GRM7: variants seen among roughly 807,000 people sequenced by gnomAD.
GRM7 encodes metabotropic glutamate receptor 7.
In GRM7, 35 loss-of-function variants were observed where a neutral mutation model predicts 84.5. That is an observed-to-expected ratio of 0.41 (90% CI 0.32 to 0.55). GRM7 has a LOEUF of 0.55. GRM7 is among the 20% of genes least tolerant of loss of function. The pLI, the probability that GRM7 is intolerant of heterozygous loss-of-function variation, is 0.19. For synonymous variants in GRM7, 487 were observed against 455.1 expected (o/e 1.07, Z -0.89); for missense variants, 1,003 against 1,194.6 (o/e 0.84, Z 2.36).
At chr3:7,587,415 C>G (rs1454874780) in intron 8 of GRM7, among the ~76,000 whole-genome samples, 2 of 152,066 alleles carry the variant, frequency 1.3e-5, no homozygotes, top group African/African-American at 4.8e-5. Flanking sequence ...ATATGTCTAC[C>G]TGGGCATTGG....
In GRM7 at chr3:7,486,666, T is replaced by C. The variant is rs1699334400; in HGVS notation, c.1515+24944T>C. Reference sequence around the variant, plus strand: ...CCCTCCCCAGAAGCAGAGCAGATGTTGGCACCATGCTTCTTGGACTTCCCA... The same window carrying C: ...CCCTCCCCAGAAGCAGAGCAGATGTCGGCACCATGCTTCTTGGACTTCCCA... On this transcript the variant is annotated intron_variant, in intron 7 of 9. Transcript: ENST00000357716. The surrounding 1 kb of genome is among the most constrained non-coding windows in gnomAD (Gnocchi z 5.5). Among the ~76,000 whole-genome samples the C allele has an allele frequency of 6.6e-6, 1 of 152,222 alleles. No homozygotes were observed. Among genetic ancestry groups the C allele is most frequent in the Non-Finnish European group, 1.5e-5 (1 of 68,046 alleles).
chr3:6,918,353 C>T (rs926374250), intron 1 of GRM7, among the ~76,000 whole-genome samples: 2 of 152,104 alleles, frequency 1.3e-5, no homozygotes, highest in Admixed American at 6.5e-5. Context: ...GTATTAGGTA[C>T]CCAGTTCCTC....
At chr3:7,719,980 TG>T (rs1701889956) in intron 9 of GRM7, among the ~76,000 whole-genome samples, 1 of 152,174 alleles carries the variant, frequency 6.6e-6, no homozygotes, top group Admixed American at 6.5e-5. Context: ...ATGAAGATAA[TG>T]GTTGTAGTAG....
chr3:7,724,682 G>A (rs556536311), intron 9 of GRM7, among the ~76,000 whole-genome samples: 2 of 152,318 alleles, frequency 1.3e-5, no homozygotes, highest in South Asian at 4.1e-4. Flanking sequence ...TCAGAACGTT[G>A]AGTTGGGGCC....
chr3:7,636,918 T>TC (rs3840236), intron 8 of GRM7, among the ~76,000 whole-genome samples: 132,402 of 152,184 alleles, frequency 0.87, 57,765 homozygotes, highest in African/African-American at 0.94. Flanking sequence ...ATCAGTGGTT[T>TC]CATAAGATGC....
intron 7 of GRM7, among the ~76,000 whole-genome samples, chr3:7,492,255 C>T (rs1699547021): frequency 1.3e-5 from 2 of 152,126 alleles, no homozygotes; most frequent in African/African-American, 4.8e-5. Flanking sequence ...CCCTGTCTTC[C>T]ACTTTCTAAA....
intron 7 of GRM7, among the ~76,000 whole-genome samples, chr3:7,576,733 C>T (rs1694980719): frequency 6.6e-6 from 1 of 152,144 alleles, no homozygotes; most frequent in Non-Finnish European, 1.5e-5. Flanking sequence ...AATCAGCCAT[C>T]ATTGTTAATT....
intron 1 of GRM7, among the ~76,000 whole-genome samples, chr3:7,011,302 G>A (rs766081635): frequency 4.6e-5 from 7 of 152,190 alleles, no homozygotes; most frequent in Non-Finnish European, 1.0e-4. Context: ...TTTATATGTA[G>A]AAGAGCTCTC....
At chr3:6,947,064 C>T (rs554817250) in intron 1 of GRM7, among the ~76,000 whole-genome samples, 1 of 152,128 alleles carries the variant, frequency 6.6e-6, no homozygotes, top group Non-Finnish European at 1.5e-5. Context: ...TGCCTGATTG[C>T]CCTGGCCAGA....
chr3:7,095,823 G>T (rs1449258245), intron 1 of GRM7, among the ~76,000 whole-genome samples: 1 of 152,052 alleles, frequency 6.6e-6, no homozygotes, highest in Non-Finnish European at 1.5e-5. Context: ...TCTCTAAGAT[G>T]TTCAGTTTCT....
intron 2 of GRM7, among the ~76,000 whole-genome samples, chr3:7,277,435 G>A (rs1160949933): frequency 6.6e-6 from 1 of 151,656 alleles, no homozygotes; most frequent in African/African-American, 2.4e-5. Context: ...AGTGGCATGG[G>A]GTACAGCTTC....
Position 6,863,616 on chromosome 3 carries a change from T to C in GRM7, c.519+1709T>C, listed in dbSNP as rs1055947543. Among the ~76,000 whole-genome samples the C allele has an allele frequency of 7.2e-5, 11 of 152,160 alleles. No homozygotes were observed. Among genetic ancestry groups the C allele is most frequent in the African/African-American group, 2.7e-4 (11 of 41,436 alleles). On this transcript the variant is annotated intron_variant, in intron 1 of 9. Coordinates refer to ENST00000357716, the MANE Select transcript of GRM7 (RefSeq NM_000844.4). This position sits in a 1 kb window ranked among gnomAD's most constrained non-coding sequence, Gnocchi z 4.8. ...GAGTTCCTTGCTTTTGGGAAGAACC[T>C]GGCTTGTAGCTGAAACCCAGAGCCC...
chr3:7,106,653 C>A (rs1574912758), intron 1 of GRM7, among the ~76,000 whole-genome samples: 1 of 151,994 alleles, frequency 6.6e-6, no homozygotes, highest in East Asian at 1.9e-4. Context: ...GCACTAGGTC[C>A]ATTTTAGTCC....
rs1694120683 is a variant in GRM7 at position 7,146,674 on chromosome 3, A to G, written c.736+6A>G. On this transcript the variant is annotated splice_donor_region_variant and intron_variant, in intron 2 of 9. Transcript: ENST00000357716. ...GCAGATTTCCAAAGAGGCAGGTAGG[A>G]TGAGATTGCTCTGATCAAGCTGGCT... 2 of 1,599,334 alleles carry G rather than the reference A, an allele frequency of 1.3e-6. No individual in the cohort carries two copies. The highest frequency in any genetic ancestry group is 3.3e-5 in the Admixed American group (2 of 59,938).
intron 7 of GRM7, among the ~76,000 whole-genome samples, chr3:7,568,262 G>T (rs186768560): frequency 2.0e-5 from 3 of 152,336 alleles, no homozygotes; most frequent in Admixed American, 2.0e-4. Context: ...AAGACAAGAT[G>T]TATTAGACTG....
intron 1 of GRM7, among the ~76,000 whole-genome samples, chr3:6,914,221 A>T (rs778995165): frequency 6.6e-6 from 1 of 152,204 alleles, no homozygotes; most frequent in Non-Finnish European, 1.5e-5. Flanking sequence ...GTAGGTTCAT[A>T]AGTTGCTTCA....
chr3:7,650,358 G>A (rs966560066), intron 8 of GRM7, among the ~76,000 whole-genome samples: 4 of 152,222 alleles, frequency 2.6e-5, no homozygotes, highest in African/African-American at 4.8e-5. Context: ...CCATCTACCC[G>A]TCTCTTATGC....
At chr3:7,410,598 TACACAC>T (rs35513247) in intron 4 of GRM7, among the ~76,000 whole-genome samples, 203 of 142,688 alleles carry the variant, frequency 1.4e-3, no homozygotes, top group African/African-American at 4.8e-3. Context: ...TATATATATA[TACACAC>T]ACACACACAC....
At position 7,609,727 on chromosome 3, in the gene GRM7, A is replaced by C. The variant is rs527274776; in HGVS notation, c.2451+30370A>C. On this transcript the variant is annotated intron_variant, in intron 8 of 9. Transcript: ENST00000357716. ...AAATCATCACCTAGAGAATAAAAGCATGCAGGGCTAGAAATATAGTATGAT... is the reference window on the plus strand; with the variant it reads ...AAATCATCACCTAGAGAATAAAAGCCTGCAGGGCTAGAAATATAGTATGAT... Among the ~76,000 whole-genome samples, 12 of 152,326 alleles carry C rather than the reference A, an allele frequency of 7.9e-5. 1 individual carries two copies. The highest frequency in any genetic ancestry group is 2.6e-4 in the African/African-American group (11 of 41,586).
Sources: allele counts gnomAD v4.1 joint callset (sites outside exome capture counted in the v4.1 genomes callset), GRCh38; gene constraint gnomAD v4.1.1; non-coding constraint Gnocchi (gnomAD v3.1); transcripts MANE v1.5; gene names NCBI Gene and HGNC (gene_info 2026-07-23, HGNC 2026-07-21).